ZMAT4: variants seen among roughly 807,000 people sequenced by gnomAD.
ZMAT4 encodes the protein zinc finger matrin-type 4, also known as zinc finger matrin-type protein 4.
ZMAT4 carries 17 observed loss-of-function variants against 28.7 expected under a neutral mutation model. That is an observed-to-expected ratio of 0.59 (90% CI 0.41 to 0.89). The LOEUF is 0.89. Among genes scored for constraint, ZMAT4 ranks in the 40% least tolerant of loss-of-function variants. The probability of loss-of-function intolerance (pLI) is 0.00; values close to 1 mark genes in which losing one functional copy is unlikely to be tolerated. For missense variants in ZMAT4, 240 were observed against 283.8 expected, an observed-to-expected ratio of 0.85 and a Z score of 1.11; for synonymous variants, 117 against 109.2, an observed-to-expected ratio of 1.07 and a Z score of -0.44.
intron 1 of ZMAT4, among the ~76,000 whole-genome samples, chr8:40,866,709 C>A (rs920692276): frequency 6.6e-6 from 1 of 152,158 alleles, no homozygotes; most frequent in East Asian, 1.9e-4. Flanking sequence ...TTTTGCTTCT[C>A]TCTGGTGTGT....
At position 40,653,563 on chromosome 8, in the gene ZMAT4, A is replaced by G. The variant is rs192095027; in HGVS notation, c.577+21141T>C. Among the ~76,000 whole-genome samples, 402 of 152,270 alleles carry G rather than the reference A, an allele frequency of 2.6e-3. 1 individual carries two copies. The highest frequency in any genetic ancestry group is 4.3e-3 in the Non-Finnish European group (294 of 67,998). On this transcript the variant is annotated intron_variant, in intron 5 of 6. Transcript: ENST00000297737. ...ACAAATTACTAAACTAAAAAATGAAAGAGAGGACATCACTAATGATCTTAC... is the reference window on the plus strand; with the variant it reads ...ACAAATTACTAAACTAAAAAATGAAGGAGAGGACATCACTAATGATCTTAC...
At position 40,542,467 on chromosome 8, in the gene ZMAT4, C is replaced by T. The variant is rs181317849; in HGVS notation, c.675-10229G>A. 6.6e-3 allele frequency among the ~76,000 whole-genome samples: 999 copies of T among 152,172 alleles called. 7 individuals are homozygous for T. The highest frequency in any genetic ancestry group is 0.011 in the Admixed American group (175 of 15,286). On this transcript the variant is annotated intron_variant, in intron 6 of 6. Coordinates refer to ENST00000297737, the MANE Select transcript of ZMAT4 (RefSeq NM_024645.3). Reference sequence around the variant, plus strand: ...GCAGTGGTGTGATCATAGCTCACTGCAGTCTCAAACTCCTGGGCTCAAGTG... The same window carrying T: ...GCAGTGGTGTGATCATAGCTCACTGTAGTCTCAAACTCCTGGGCTCAAGTG...
chr8:40,547,994 T>A (rs951872486), intron 6 of ZMAT4, among the ~76,000 whole-genome samples: 1 of 152,086 alleles, frequency 6.6e-6, no homozygotes, highest in Admixed American at 6.6e-5. Flanking sequence ...ATTTGGCATG[T>A]GGTTGTCAGG....
At chr8:40,890,077 G>A (rs1318591504) in intron 1 of ZMAT4, among the ~76,000 whole-genome samples, 4 of 152,200 alleles carry the variant, frequency 2.6e-5, no homozygotes, top group African/African-American at 7.2e-5. Flanking sequence ...TGTTATTAGT[G>A]AGGAGAGACA....
At chr8:40,790,537 A>G (rs1387294672) in intron 2 of ZMAT4, among the ~76,000 whole-genome samples, 2 of 152,220 alleles carry the variant, frequency 1.3e-5, no homozygotes, top group African/African-American at 4.8e-5. Context: ...AATACCATTT[A>G]TAATACTATC....
chr8:40,749,461 A>G (rs1055935008), intron 3 of ZMAT4, among the ~76,000 whole-genome samples: 1 of 152,220 alleles, frequency 6.6e-6, no homozygotes, highest in Non-Finnish European at 1.5e-5. Context: ...TTCAAAGCCT[A>G]TGACCTCTCT....
rs536835459 is a variant in ZMAT4 at position 40,879,616 on chromosome 8, T to C, written c.-5+18067A>G. 3.7e-4 allele frequency among the ~76,000 whole-genome samples: 56 copies of C among 152,320 alleles called. 1 individual carries two copies. The highest frequency in any genetic ancestry group is 1.4e-3 in the Admixed American group (22 of 15,300). On this transcript the variant is annotated intron_variant, in intron 1 of 6. Coordinates refer to ENST00000297737, the MANE Select transcript of ZMAT4 (RefSeq NM_024645.3). ...GGAACGACTCAGAGGCAACTGGGTC[T>C]CATTTTCTTTCTGTAATTTTTATTA...
chr8:40,757,567 C>A (rs1037321472), intron 3 of ZMAT4, among the ~76,000 whole-genome samples: 5 of 141,948 alleles, frequency 3.5e-5, no homozygotes, highest in Non-Finnish European at 6.1e-5. Flanking sequence ...GGCTGGGCAA[C>A]AGAGCAAGAC....
intron 5 of ZMAT4, among the ~76,000 whole-genome samples, chr8:40,638,595 A>G (rs1389365026): frequency 6.6e-6 from 1 of 152,228 alleles, no homozygotes; most frequent in Non-Finnish European, 1.5e-5. Context: ...GACAAGTACC[A>G]CAAGAGTGAC....
At chr8:40,881,589 A>C (rs900009053) in intron 1 of ZMAT4, among the ~76,000 whole-genome samples, 1 of 104,562 alleles carries the variant, frequency 9.6e-6, no homozygotes, top group African/African-American at 3.8e-5. Flanking sequence ...AAAGAAAGAA[A>C]GAAAGAAAGA....
intron 3 of ZMAT4, among the ~76,000 whole-genome samples, chr8:40,721,309 C>T (rs1321993365): frequency 7.6e-6 from 1 of 131,870 alleles, no homozygotes; most frequent in Non-Finnish European, 1.6e-5. Context: ...GACATGAACT[C>T]ATCATTTTTT....
chr8:40,567,078 T>C (rs910452399), intron 6 of ZMAT4, among the ~76,000 whole-genome samples: 6 of 152,072 alleles, frequency 3.9e-5, no homozygotes, highest in Admixed American at 1.3e-4. Flanking sequence ...GGAAAGGCAC[T>C]TACATAAGGA....
intron 6 of ZMAT4, among the ~76,000 whole-genome samples, chr8:40,553,934 A>G (rs1164622806): frequency 6.6e-6 from 1 of 152,174 alleles, no homozygotes; most frequent in Non-Finnish European, 1.5e-5. Context: ...ACAGCTCTTG[A>G]TAACATCAGT....
chr8:40,690,422 A>G (rs1762787563), intron 4 of ZMAT4, among the ~76,000 whole-genome samples: 1 of 152,202 alleles, frequency 6.6e-6, no homozygotes, highest in Non-Finnish European at 1.5e-5. Context: ...CAAAACATCA[A>G]CTGGAACAAA....
intron 3 of ZMAT4, among the ~76,000 whole-genome samples, chr8:40,713,651 C>T (rs1397989656): frequency 2.0e-5 from 3 of 151,850 alleles, no homozygotes; most frequent in East Asian, 3.9e-4. Flanking sequence ...GCTCTTGTCC[C>T]TAATCCCAGC....
At chr8:40,866,363 G>T (rs998038489) in intron 1 of ZMAT4, among the ~76,000 whole-genome samples, 4 of 152,210 alleles carry the variant, frequency 2.6e-5, no homozygotes, top group Non-Finnish European at 4.4e-5. Flanking sequence ...AAACATTTCC[G>T]CTAATAGCTG....
intron 3 of ZMAT4, among the ~76,000 whole-genome samples, chr8:40,726,455 T>G (rs1180779230): frequency 6.6e-6 from 1 of 152,232 alleles, no homozygotes; most frequent in Non-Finnish European, 1.5e-5. Flanking sequence ...TTGGCCTTTC[T>G]GCCGCCTTAC....
intron 4 of ZMAT4, among the ~76,000 whole-genome samples, chr8:40,687,871 T>A (rs1469232297): frequency 3.9e-5 from 6 of 152,190 alleles, no homozygotes; most frequent in African/African-American, 1.2e-4. Context: ...CAGGAAATAA[T>A]CACAGCAAGA....
chr8:40,839,789 A>T (rs1280315006), intron 1 of ZMAT4, among the ~76,000 whole-genome samples: 1 of 152,198 alleles, frequency 6.6e-6, no homozygotes. Flanking sequence ...GTGTGGAGTG[A>T]AAGACAATGA....
Sources: allele counts gnomAD v4.1 joint callset (sites outside exome capture counted in the v4.1 genomes callset), GRCh38; gene constraint gnomAD v4.1.1; transcripts MANE v1.5; gene names NCBI Gene and HGNC (gene_info 2026-07-23, HGNC 2026-07-21).